The following FSTL5 variants were observed in gnomAD, a reference collection of about 807,000 sequenced individuals.
FSTL5 encodes the protein follistatin like 5.
Under a neutral mutation model 89.1 loss-of-function variants are expected in FSTL5, and 62 were observed. The ratio of observed to expected loss-of-function variants is 0.70; its 90% CI spans 0.57 to 0.86. The LOEUF is 0.86. Among genes scored for constraint, FSTL5 ranks in the 40% least tolerant of loss-of-function variants. The pLI is 0.00. For missense variants in FSTL5, 1,057 were observed against 1,001.6 expected (o/e 1.06, Z -0.75); for synonymous variants, 383 against 346.2 (o/e 1.11, Z -1.18).
intron 3 of FSTL5, among the ~76,000 whole-genome samples, chr4:161,996,444 C>T (rs962849929): frequency 2.6e-5 from 4 of 152,156 alleles, no homozygotes; most frequent in Non-Finnish European, 5.9e-5. Flanking sequence ...CTTCACCTAT[C>T]CCAAACCTCC....
chr4:161,692,371 C>G (rs1208891051), intron 6 of FSTL5, among the ~76,000 whole-genome samples: 7 of 126,430 alleles, frequency 5.5e-5, no homozygotes, highest in African/African-American at 2.0e-4. Context: ...TGTGTGTATT[C>G]TCCCTTAATT....
intron 4 of FSTL5, among the ~76,000 whole-genome samples, chr4:161,791,078 C>G (rs781569735): frequency 6.6e-6 from 1 of 152,062 alleles, no homozygotes; most frequent in Non-Finnish European, 1.5e-5. Flanking sequence ...TTCAAATCAT[C>G]CTTAAATGAT....
At chr4:161,896,334 T>C (rs895944816) in intron 4 of FSTL5, among the ~76,000 whole-genome samples, 1 of 152,338 alleles carries the variant, frequency 6.6e-6, no homozygotes, top group East Asian at 1.9e-4. Context: ...TTTGAACTAA[T>C]AGTCTTATTT....
rs550627823 is a variant in FSTL5 at position 161,510,433 on chromosome 4, T to G, written c.1313-9A>C. ...CCATAATATGTTAGCTACTGCAGCA[T>G]GTTGAAAGAAAAAGAAGAAAAAGAA... On this transcript the variant is annotated splice_polypyrimidine_tract_variant and intron_variant, in intron 10 of 15. Coordinates refer to ENST00000306100, the MANE Select transcript of FSTL5 (RefSeq NM_020116.5). 24 of 1,516,748 alleles carry G rather than the reference T, an allele frequency of 1.6e-5. No individual in the cohort carries two copies. In the East Asian group the frequency reaches 5.6e-4, roughly 36 times the overall value. The allele number at this position is 1,516,748 out of a possible 1,614,324, so 94.0% of individuals were successfully genotyped here.
chr4:161,766,403 G>C (rs1358067627), intron 5 of FSTL5, among the ~76,000 whole-genome samples: 10 of 152,100 alleles, frequency 6.6e-5, no homozygotes, highest in Admixed American at 6.6e-4. Flanking sequence ...GCAGGACCAC[G>C]ATGCCAGAAA....
intron 1 of FSTL5, among the ~76,000 whole-genome samples, chr4:162,156,162 T>A (rs889511886): frequency 3.3e-5 from 5 of 151,988 alleles, no homozygotes; most frequent in African/African-American, 4.8e-5. Context: ...AAATCAATCA[T>A]CAGAAACATG....
chr4:161,735,465 T>C (rs1000331213), intron 6 of FSTL5, among the ~76,000 whole-genome samples: 1 of 152,178 alleles, frequency 6.6e-6, no homozygotes, highest in Non-Finnish European at 1.5e-5. Flanking sequence ...TGACAGGTAG[T>C]CTATCAAATT....
chr4:161,427,394 G>A (rs1732203960), intron 15 of FSTL5, among the ~76,000 whole-genome samples: 1 of 152,160 alleles, frequency 6.6e-6, no homozygotes, highest in Non-Finnish European at 1.5e-5. Flanking sequence ...CTGAGGCAGT[G>A]GCTGAATCTA....
intron 6 of FSTL5, among the ~76,000 whole-genome samples, chr4:161,700,008 A>T (rs1738329386): frequency 1.3e-5 from 2 of 152,230 alleles, no homozygotes; most frequent in Non-Finnish European, 2.9e-5. Flanking sequence ...CTCTAACAGC[A>T]GAGTCATTAT....
At position 161,385,737 on chromosome 4, in the gene FSTL5, C is replaced by G; in HGVS notation, c.*10G>C. 6.6e-7 allele frequency: 1 copy of G among 1,518,638 alleles called. No homozygotes were observed. The highest frequency in any genetic ancestry group is 2.0e-5 in the Admixed American group (1 of 50,214). The allele number at this position is 1,518,638 out of a possible 1,614,324, so 94.1% of individuals were successfully genotyped here. On this transcript the variant is annotated 3_prime_UTR_variant, in exon 16 of 16. Transcript: ENST00000306100. The stretch of plus-strand genomic sequence containing the variant: ...AAAACGCTTCATTCAATAATTGTAT[C>G]GTAGGGTTTTTAGGCATCTCCAACC...
chr4:162,066,545 A>G (rs1381035486), intron 2 of FSTL5, among the ~76,000 whole-genome samples: 2 of 147,394 alleles, frequency 1.4e-5, no homozygotes, highest in African/African-American at 5.0e-5. Context: ...TATGCCCCGC[A>G]CGCATTAGGT....
At chr4:161,922,941 G>A (rs959849288) in intron 3 of FSTL5, among the ~76,000 whole-genome samples, 1 of 151,900 alleles carries the variant, frequency 6.6e-6, no homozygotes, top group Non-Finnish European at 1.5e-5. Context: ...GTTTGAAGGT[G>A]TCTCTGTATT....
At chr4:161,688,708 G>T (rs1387945777) in intron 6 of FSTL5, among the ~76,000 whole-genome samples, 2 of 151,988 alleles carry the variant, frequency 1.3e-5, no homozygotes, top group Non-Finnish European at 2.9e-5. Flanking sequence ...TGTTTTTATG[G>T]ATAAGTTAAT....
At chr4:161,710,935 T>C (rs1232614808) in intron 6 of FSTL5, among the ~76,000 whole-genome samples, 2 of 152,096 alleles carry the variant, frequency 1.3e-5, no homozygotes, top group African/African-American at 4.8e-5. Flanking sequence ...CAGTCCTAAA[T>C]AGATAATGCA....
At chr4:162,012,636 C>T (rs1452913176) in intron 3 of FSTL5, among the ~76,000 whole-genome samples, 1 of 151,856 alleles carries the variant, frequency 6.6e-6, no homozygotes, top group African/African-American at 2.4e-5. Context: ...AAAAATATCC[C>T]CCTTTGCCAA....
chr4:161,454,375 T>C (rs887075512), intron 15 of FSTL5, among the ~76,000 whole-genome samples: 4 of 152,206 alleles, frequency 2.6e-5, no homozygotes, highest in African/African-American at 7.2e-5. Flanking sequence ...TTAAACCTCT[T>C]CTATAAAGCT....
rs541974044 is a variant in FSTL5 at position 161,571,992 on chromosome 4, C to T, written c.1015+15463G>A. On this transcript the variant is annotated intron_variant, in intron 8 of 15. Transcript: ENST00000306100. ...TATTTCCTCTTCTTTTTTAAATACA[C>T]AACTAGCTCTCTTGTAGTAGAATGC... Among the ~76,000 whole-genome samples, 8 of 152,170 alleles carry T rather than the reference C, an allele frequency of 5.3e-5. No homozygotes were observed. The East Asian group carries it at 9.7e-4, about 18-fold the overall frequency.
chr4:161,697,421 C>A (rs912878999), intron 6 of FSTL5, among the ~76,000 whole-genome samples: 3 of 152,164 alleles, frequency 2.0e-5, no homozygotes, highest in African/African-American at 7.2e-5. Flanking sequence ...TTTTAGTGGG[C>A]ATTTATTTTT....
In FSTL5 at chr4:161,500,144, A is replaced by T; in HGVS notation, c.1340-10T>A. The T allele has an allele frequency of 6.8e-7, 1 of 1,469,868 alleles. No individual in the cohort carries two copies. The highest frequency in any genetic ancestry group is 9.4e-7 in the Non-Finnish European group (1 of 1,060,006). The allele number at this position is 1,469,868 out of a possible 1,614,324, so 91.1% of individuals were successfully genotyped here. A position where few individuals can be genotyped will look rare whatever the true frequency, so the allele number is the denominator to read the frequency against. ...TTCCCAATTCCCAGACCTTAGGAAT[A>T]AAAACACATTTAAATGTTCAAAATA... is the stretch of plus-strand genomic sequence containing the variant. On this transcript the variant is annotated splice_polypyrimidine_tract_variant and intron_variant, in intron 11 of 15. Transcript: ENST00000306100.
Sources: gnomAD v4.1 joint callset for allele counts (sites outside exome capture counted in the v4.1 genomes callset) on GRCh38, gnomAD v4.1.1 for gene constraint, MANE v1.5 for transcripts, NCBI Gene and HGNC (gene_info 2026-07-23, HGNC 2026-07-21) for gene names.